Variants in DOCK1 observed in about 807,000 individuals in gnomAD.
The protein encoded by DOCK1 is dedicator of cytokinesis protein 1.
Under a neutral mutation model 262.7 loss-of-function variants are expected in DOCK1, and 138 were observed. The ratio of observed to expected loss-of-function variants is 0.53; its 90% CI spans 0.46 to 0.61. The LOEUF (loss-of-function observed/expected upper bound fraction) is 0.61, where lower values mean the gene tolerates loss of function less well. DOCK1 is among the 20% of genes least tolerant of loss of function. DOCK1 has a pLI of 0.00. For synonymous variants in DOCK1, 866 were observed against 867.4 expected (o/e 1.00, Z 0.03); for missense variants, 1,908 against 2,370.7 (o/e 0.80, Z 4.05).
intron 5 of DOCK1, among the ~76,000 whole-genome samples, chr10:126,990,095 G>A (rs2039686446): frequency 6.6e-6 from 1 of 152,158 alleles, no homozygotes; most frequent in South Asian, 2.1e-4. Context: ...TAATTCCGGA[G>A]GAGCTTTAGA....
rs2034178685 is a variant in DOCK1, at chr10:126,931,441, C to T, written c.46+25878C>T. The stretch of plus-strand genomic sequence containing the variant: ...CAGTGGGTGGTACCTGGTCTGGTGG[C>T]ACCGGGGGAAGCGAGGCCCAGAAGT... On this transcript the variant is annotated intron_variant, in intron 1 of 51. Transcript: ENST00000623213. 2.0e-5 allele frequency among the ~76,000 whole-genome samples: 3 copies of T among 152,032 alleles called. No homozygotes were observed. In the South Asian group the frequency reaches 6.2e-4, roughly 32 times the overall value.
rs375254766 is a variant in DOCK1 at position 126,908,450 on chromosome 10, C to T, written c.46+2887C>T. On this transcript the variant is annotated intron_variant, in intron 1 of 51. Coordinates refer to ENST00000623213, the MANE Select transcript of DOCK1 (RefSeq NM_001290223.2). ...CCACTCTGGCCACTTGGCCCATGAACGAATCACGAGGGGTAAGAAAATGAT... is the reference window on the plus strand; with the variant it reads ...CCACTCTGGCCACTTGGCCCATGAATGAATCACGAGGGGTAAGAAAATGAT... 3.9e-5 allele frequency among the ~76,000 whole-genome samples: 6 copies of T among 152,142 alleles called. No individual in the cohort carries two copies. The South Asian group carries it at 1.2e-3, about 32-fold the overall frequency.
chr10:127,046,974 T>A (rs1241268278), intron 21 of DOCK1, among the ~76,000 whole-genome samples: 1 of 152,128 alleles, frequency 6.6e-6, no homozygotes, highest in African/African-American at 2.4e-5. Flanking sequence ...TTCATGTGGC[T>A]TTTAAAAAGC....
At chr10:126,969,928 A>G (rs2037972627) in intron 1 of DOCK1, among the ~76,000 whole-genome samples, 1 of 152,158 alleles carries the variant, frequency 6.6e-6, no homozygotes, top group Non-Finnish European at 1.5e-5. Flanking sequence ...GATTTTGAAG[A>G]TGAGTTTTAT....
intron 27 of DOCK1, among the ~76,000 whole-genome samples, chr10:127,186,413 G>A (rs2056233399): frequency 6.7e-6 from 1 of 149,442 alleles, no homozygotes; most frequent in African/African-American, 2.5e-5. Context: ...TGTAATCCCA[G>A]CTACTTGGGA....
intron 10 of DOCK1, among the ~76,000 whole-genome samples, chr10:127,003,614 TC>T (rs940547044): frequency 2.0e-5 from 3 of 152,126 alleles, no homozygotes; most frequent in African/African-American, 7.2e-5. Flanking sequence ...CTGTGCTCAC[TC>T]CAGAGGGGCC....
chr10:126,936,898 CTT>C (rs1232957038), intron 1 of DOCK1, among the ~76,000 whole-genome samples: 3 of 152,200 alleles, frequency 2.0e-5, no homozygotes, highest in African/African-American at 7.2e-5. Flanking sequence ...CACCGGAACT[CTT>C]TTCATCTTCC....
intron 23 of DOCK1, among the ~76,000 whole-genome samples, chr10:127,088,031 A>C (rs1485784962): frequency 6.6e-6 from 1 of 152,190 alleles, no homozygotes; most frequent in Admixed American, 6.5e-5. Context: ...GATTTGCTCT[A>C]AATCATCTTT....
At chr10:127,260,595 CTGTG>C (rs1178776566) in intron 29 of DOCK1, among the ~76,000 whole-genome samples, 2 of 151,776 alleles carry the variant, frequency 1.3e-5, no homozygotes, top group East Asian at 1.9e-4. Context: ...CCATGCTCAT[CTGTG>C]TGTGTACCTG....
intron 27 of DOCK1, among the ~76,000 whole-genome samples, chr10:127,202,300 G>C (rs2057501306): frequency 6.6e-6 from 1 of 151,664 alleles, no homozygotes. Context: ...TCCAGCCTGG[G>C]TGACAGAGCG....
intron 31 of DOCK1, among the ~76,000 whole-genome samples, chr10:127,347,521 CAT>C (rs1372039527): frequency 6.6e-6 from 1 of 152,148 alleles, no homozygotes; most frequent in East Asian, 1.9e-4. Context: ...GCGCCATCTA[CAT>C]ATGAGCAGAG....
At chr10:127,265,215 G>A (rs917411546) in intron 29 of DOCK1, among the ~76,000 whole-genome samples, 3 of 152,186 alleles carry the variant, frequency 2.0e-5, no homozygotes, top group South Asian at 2.1e-4. Context: ...TTGTCTAGTC[G>A]TTGACCATTT....
intron 30 of DOCK1, among the ~76,000 whole-genome samples, chr10:127,342,513 G>C (rs2063478601): frequency 6.6e-6 from 1 of 152,200 alleles, no homozygotes; most frequent in African/African-American, 2.4e-5. Context: ...AAATGAGCTG[G>C]TGTATTACTA....
chr10:127,404,222 C>A, intron 39 of DOCK1, 103 bp from the exon 40 acceptor site: 1 of 868,406 alleles, frequency 1.2e-6, no homozygotes, highest in African/African-American at 1.7e-5. Flanking sequence ...CCCCTCCCAC[C>A]CTATAGAAGT....
chr10:126,934,747 GTT>G (rs1166445414), intron 1 of DOCK1, among the ~76,000 whole-genome samples: 1,268 of 107,312 alleles, frequency 0.012, 8 homozygotes, highest in African/African-American at 0.045. Flanking sequence ...GAATTTACGA[GTT>G]TTTTTTTTTT....
intron 27 of DOCK1, among the ~76,000 whole-genome samples, chr10:127,144,905 T>C (rs2051647467): frequency 1.3e-5 from 2 of 152,198 alleles, no homozygotes; most frequent in African/African-American, 4.8e-5. Context: ...GTAAGATCTG[T>C]CCCCTTTTCC....
intron 27 of DOCK1, among the ~76,000 whole-genome samples, chr10:127,234,773 T>C (rs1043287040): frequency 2.0e-5 from 3 of 151,956 alleles, no homozygotes; most frequent in Non-Finnish European, 4.4e-5. Context: ...TACAATAAAG[T>C]ATTAATTAAA....
In DOCK1 at chr10:127,374,091, C is replaced by T. The variant is rs763873410; in HGVS notation, c.3552C>T (p.Leu1184=). ...LLEHCRKHKY[L]AKTGETFVKL... ...AACACTGCAGGAAGCACAAATACCT[C>T]GCCAAAACAGGAGAAACTTTTGTAA... The change falls in exon 35 of 52, where the codon CTC becomes CTT. Residue 1184 remains leucine (L), a synonymous_variant. Coordinates refer to ENST00000623213, the MANE Select transcript of DOCK1 (RefSeq NM_001290223.2). 6.2e-6 allele frequency: 10 copies of T among 1,612,954 alleles called. No individual in the cohort carries two copies. The highest frequency in any genetic ancestry group is 4.0e-5 in the African/African-American group (3 of 74,890).
At chr10:127,325,031 A>G (rs991171149) in intron 29 of DOCK1, among the ~76,000 whole-genome samples, 15 of 152,190 alleles carry the variant, frequency 9.9e-5, no homozygotes, top group Non-Finnish European at 1.9e-4. Flanking sequence ...ATCCACGCAC[A>G]GCCCGGGAGA....
Sources: gnomAD v4.1 joint callset for allele counts (sites outside exome capture counted in the v4.1 genomes callset) on GRCh38, gnomAD v4.1.1 for gene constraint, MANE v1.5 for transcripts, NCBI Gene and HGNC (gene_info 2026-07-23, HGNC 2026-07-21) for gene names.